Variants in TMEM163 observed in about 807,000 individuals in gnomAD.
TMEM163 encodes the protein transmembrane protein 163.
A neutral mutation model predicts 29.3 loss-of-function variants in TMEM163; 17 were observed. That is an observed-to-expected ratio of 0.58 (90% confidence interval 0.40 to 0.87). TMEM163 has a LOEUF of 0.87. TMEM163 is among the 40% of genes least tolerant of loss of function. The pLI is 0.00. For missense variants in TMEM163, 303 were observed against 381.5 expected (o/e 0.79, Z 1.71); for synonymous variants, 157 against 160.6 (o/e 0.98, Z 0.17).
intron 2 of TMEM163, among the ~76,000 whole-genome samples, chr2:134,600,013 T>C (rs1278293231): frequency 6.6e-6 from 1 of 152,126 alleles, no homozygotes; most frequent in African/African-American, 2.4e-5. Flanking sequence ...CCAGCGTTGC[T>C]CCCATTATAA....
chr2:134,477,244 A>G (rs1686936427), intron 5 of TMEM163, among the ~76,000 whole-genome samples: 1 of 152,180 alleles, frequency 6.6e-6, no homozygotes, highest in Non-Finnish European at 1.5e-5. Context: ...ATTTCTAGGG[A>G]GATAGACATA....
rs146006470 is a variant in TMEM163, at chr2:134,468,195, G to A, written c.556-1970C>T. The A allele has an allele frequency of 3.2e-3, 480 of 152,348 alleles. 3 individuals carry two copies. Among genetic ancestry groups the A allele is most frequent in the Admixed American group, 5.4e-3 (83 of 15,302 alleles). 9.4% of individuals were successfully genotyped at this position (152,348 alleles called of 1,614,324 possible). On this transcript the variant is annotated intron_variant, in intron 5 of 7. Coordinates refer to ENST00000281924, the MANE Select transcript of TMEM163 (RefSeq NM_030923.5). ...CTAATTGCCAGGGTGACGGTATGAG[G>A]AGGTGGGGCCTCTGGGAGGTGATTA...
chr2:134,712,725 A>T (rs1478075092), intron 2 of TMEM163, among the ~76,000 whole-genome samples: 2 of 152,224 alleles, frequency 1.3e-5, no homozygotes, highest in African/African-American at 4.8e-5. Context: ...AAAACTTGAC[A>T]GAAGACCCTC....
At chr2:134,669,032 G>A (rs952218235) in intron 2 of TMEM163, among the ~76,000 whole-genome samples, 2 of 152,126 alleles carry the variant, frequency 1.3e-5, no homozygotes, top group East Asian at 1.9e-4. Context: ...AGGGCGCCCC[G>A]TGGCCACATC....
chr2:134,477,048 G>T (rs1340357254), intron 5 of TMEM163, among the ~76,000 whole-genome samples: 1 of 152,256 alleles, frequency 6.6e-6, no homozygotes, highest in South Asian at 2.1e-4. Flanking sequence ...CCACACCTAC[G>T]TTTAGCACTT....
chr2:134,650,478 TCTC>T (rs553112715), intron 2 of TMEM163, among the ~76,000 whole-genome samples: 199 of 150,876 alleles, frequency 1.3e-3, no homozygotes, highest in African/African-American at 4.8e-3. Context: ...GACTTCTTCT[TCTC>T]CTATTTGGAT....
intron 6 of TMEM163, among the ~76,000 whole-genome samples, chr2:134,461,855 A>G (rs1574148848): frequency 6.6e-6 from 1 of 152,226 alleles, no homozygotes. Context: ...TGGCTCTGCC[A>G]CAGCCTGGCT....
intron 4 of TMEM163, among the ~76,000 whole-genome samples, chr2:134,549,267 G>C (rs1454486681): frequency 1.3e-5 from 2 of 152,148 alleles, no homozygotes; most frequent in African/African-American, 4.8e-5. Context: ...TTCAATCTCA[G>C]ATATGTTACT....
At chr2:134,548,378 A>G (rs1418691426) in intron 4 of TMEM163, among the ~76,000 whole-genome samples, 2 of 152,238 alleles carry the variant, frequency 1.3e-5, no homozygotes, top group Non-Finnish European at 1.5e-5. Flanking sequence ...AGTTCAGACA[A>G]GCCACATATC....
chr2:134,538,953 C>T (rs1403855631), intron 4 of TMEM163, among the ~76,000 whole-genome samples: 2 of 152,132 alleles, frequency 1.3e-5, no homozygotes, highest in African/African-American at 2.4e-5. Context: ...AGCCATTGAA[C>T]CGTACTCTTT....
intron 2 of TMEM163, among the ~76,000 whole-genome samples, chr2:134,666,677 C>T (rs1683878834): frequency 6.6e-6 from 1 of 152,162 alleles, no homozygotes; most frequent in East Asian, 1.9e-4. Context: ...AGCAGGGACT[C>T]CCACATTCAA....
chr2:134,711,388 T>A (rs1191126296), intron 2 of TMEM163, among the ~76,000 whole-genome samples: 1 of 152,208 alleles, frequency 6.6e-6, no homozygotes, highest in Non-Finnish European at 1.5e-5. Flanking sequence ...ATTTTTTAGT[T>A]TGACTAAACC....
intron 5 of TMEM163, chr2:134,469,523 T>C (rs1212763629): frequency 1.3e-5 from 2 of 152,350 alleles, no homozygotes; most frequent in Non-Finnish European, 2.9e-5. Context: ...TTGCCCAGAA[T>C]TTCCTTCCTA....
intron 2 of TMEM163, among the ~76,000 whole-genome samples, chr2:134,662,157 G>A (rs1342733993): frequency 1.3e-5 from 2 of 151,896 alleles, no homozygotes; most frequent in African/African-American, 2.4e-5. Flanking sequence ...GGATGGTCTC[G>A]ATCTCCTGAC....
intron 2 of TMEM163, among the ~76,000 whole-genome samples, chr2:134,563,533 T>G (rs1681228560): frequency 6.6e-6 from 1 of 151,988 alleles, no homozygotes. Flanking sequence ...AACAAAATTA[T>G]CAAATACCTA....
rs80294100 is a variant in TMEM163, at chr2:134,583,589, C to T, written c.323-31498G>A. ...CGAGAAAGAACTCAAGGGCCAATAA[C>T]GAAACTGAAGGCAATGGAGTTCTCG... On this transcript the variant is annotated intron_variant, in intron 2 of 7. Coordinates refer to ENST00000281924, the MANE Select transcript of TMEM163 (RefSeq NM_030923.5). Among the ~76,000 whole-genome samples the T allele has an allele frequency of 6.1e-4, 93 of 152,306 alleles. 1 individual carries two copies. In the East Asian group the frequency reaches 0.012, roughly 20 times the overall value.
chr2:134,618,099 G>A (rs1049041253), intron 2 of TMEM163, among the ~76,000 whole-genome samples: 1 of 152,100 alleles, frequency 6.6e-6, no homozygotes, highest in Non-Finnish European at 1.5e-5. Context: ...GGGTAACAGA[G>A]TGAGACCCTG....
At chr2:134,645,162 T>C (rs1481014915) in intron 2 of TMEM163, among the ~76,000 whole-genome samples, 1 of 152,220 alleles carries the variant, frequency 6.6e-6, no homozygotes, top group Non-Finnish European at 1.5e-5. Flanking sequence ...ACATCGCTGG[T>C]AGGAATACAA....
chr2:134,711,932 C>A (rs1684935879), intron 2 of TMEM163, among the ~76,000 whole-genome samples: 1 of 152,126 alleles, frequency 6.6e-6, no homozygotes, highest in Non-Finnish European at 1.5e-5. Flanking sequence ...GGTGTCTGAT[C>A]CAAAGTCCTC....
Sources: allele counts gnomAD v4.1 joint callset (sites outside exome capture counted in the v4.1 genomes callset), GRCh38; gene constraint gnomAD v4.1.1; transcripts MANE v1.5; gene names NCBI Gene and HGNC (gene_info 2026-07-23, HGNC 2026-07-21).